Variants in TCEA1 observed in about 807,000 individuals in gnomAD.
The protein encoded by TCEA1 is transcription elongation factor A protein 1.
TCEA1 carries 21 observed loss-of-function variants against 43.8 expected under a neutral mutation model. That is an observed-to-expected ratio of 0.48 (90% confidence interval 0.34 to 0.69). The LOEUF is 0.69. TCEA1 is among the 30% of genes least tolerant of loss of function. The pLI is 0.01. For missense variants in TCEA1, 250 were observed against 365.1 expected (o/e 0.68, Z 2.57); for synonymous variants, 104 against 117.5 (o/e 0.88, Z 0.75).
chr8:53,989,897 G>A (rs375170985), intron 4 of TCEA1, among the ~76,000 whole-genome samples: 3 of 152,040 alleles, frequency 2.0e-5, no homozygotes, highest in African/African-American at 7.2e-5. Context: ...AGCCTCCTGA[G>A]TAACTAGGAC....
At chr8:54,021,999 C>G (rs954403689) in intron 1 of TCEA1, 64 bp downstream of exon 1, 12 of 1,407,108 alleles carry the variant, frequency 8.5e-6, no homozygotes, top group African/African-American at 1.5e-5. Flanking sequence ...AGGGAGGGGG[C>G]GGCCCCCTCG....
intron 3 of TCEA1, among the ~76,000 whole-genome samples, chr8:53,998,982 A>T (rs1271396225): frequency 6.6e-6 from 1 of 152,202 alleles, no homozygotes; most frequent in South Asian, 2.1e-4. Context: ...TAATCCCAGC[A>T]CTTTGGGAGG....
At chr8:53,996,088 ATAT>A (rs1804043221) in intron 3 of TCEA1, among the ~76,000 whole-genome samples, 1 of 152,264 alleles carries the variant, frequency 6.6e-6, no homozygotes, top group African/African-American at 2.4e-5. Flanking sequence ...GGGAAAACTG[ATAT>A]AACAATGAAA....
rs72062714 is a variant in TCEA1 at position 54,012,962 on chromosome 8, CAAAAAAA to C, written c.64-2477_64-2471del. Among the ~76,000 whole-genome samples, 5 of 76,974 alleles carry C rather than the reference CAAAAAAA, an allele frequency of 6.5e-5. No individual in the cohort carries two copies. In the East Asian group the frequency reaches 1.7e-3, roughly 27 times the overall value. The allele number at this position is 76,974 out of a possible 152,430, so 50.5% of individuals were successfully genotyped here. A position where few individuals can be genotyped will look rare whatever the true frequency, so the allele number is the denominator to read the frequency against. ...AATAAAAATTAAAAAACGACGACGA[CAAAAAAA>C]AAAAAAAAAAAAAAAGATTGTGGGC... On this transcript the variant is annotated intron_variant, in intron 1 of 9. Coordinates refer to ENST00000521604, the MANE Select transcript of TCEA1 (RefSeq NM_006756.4).
intron 4 of TCEA1, among the ~76,000 whole-genome samples, chr8:53,991,398 A>C (rs973563472): frequency 1.3e-5 from 2 of 151,376 alleles, no homozygotes; most frequent in East Asian, 1.9e-4. Context: ...GTCTCAAAAA[A>C]AAAAATAAAA....
At chr8:54,006,208 A>G (rs1804451274) in intron 2 of TCEA1, among the ~76,000 whole-genome samples, 1 of 152,198 alleles carries the variant, frequency 6.6e-6, no homozygotes, top group African/African-American at 2.4e-5. Context: ...TTCTTTGGGT[A>G]CCTACATCTT....
chr8:54,012,513 C>T (rs1022516725), intron 1 of TCEA1, among the ~76,000 whole-genome samples: 3 of 152,120 alleles, frequency 2.0e-5, no homozygotes, highest in Admixed American at 6.5e-5. Flanking sequence ...GAGCCGAGAT[C>T]GCGCCACTGC....
intron 4 of TCEA1, among the ~76,000 whole-genome samples, chr8:53,991,373 A>G (rs1215751608): frequency 6.6e-6 from 1 of 151,628 alleles, no homozygotes; most frequent in South Asian, 2.1e-4. Context: ...AGCCTGGGCA[A>G]CAGAGCAAGA....
Position 53,966,621 on chromosome 8 carries a change from ATTATT to A in TCEA1, c.*1478_*1482del, listed in dbSNP as rs1318539557. The A allele has an allele frequency of 5.5e-6, 1 of 182,190 alleles. No individual in the cohort carries two copies. The highest frequency in any genetic ancestry group is 1.2e-5 in the Non-Finnish European group (1 of 85,558). 11.3% of individuals were successfully genotyped at this position (182,190 alleles called of 1,614,324 possible). A position where few individuals can be genotyped will look rare whatever the true frequency, so the allele number is the denominator to read the frequency against. On this transcript the variant is annotated 3_prime_UTR_variant, in exon 10 of 10. Coordinates refer to ENST00000521604, the MANE Select transcript of TCEA1 (RefSeq NM_006756.4). ...TTAAAATGGATCACTTAAAAGTGAG[ATTATT>A]TTATTCTGAAACATTATTTCAAAAA...
chr8:53,969,204 C>A (rs1161375142), intron 9 of TCEA1, among the ~76,000 whole-genome samples: 1 of 152,182 alleles, frequency 6.6e-6, no homozygotes, highest in East Asian at 1.9e-4. Context: ...GCAGGAGAAT[C>A]GCTTGAACCT....
At chr8:54,003,151 T>C (rs1391147752) in intron 2 of TCEA1, 1 of 440,678 alleles carries the variant, frequency 2.3e-6, no homozygotes, top group Non-Finnish European at 4.6e-6. Context: ...ATGTAAAACA[T>C]ACATTTAAAA....
chr8:53,983,382 T>C (rs1803579187), intron 7 of TCEA1, among the ~76,000 whole-genome samples: 1 of 152,244 alleles, frequency 6.6e-6, no homozygotes, highest in Non-Finnish European at 1.5e-5. Flanking sequence ...TCTTCAATGT[T>C]CACTAAAACG....
intron 1 of TCEA1, 90 bp downstream of exon 1, chr8:54,021,973 G>A (rs1439853115): frequency 2.4e-6 from 3 of 1,252,942 alleles, no homozygotes; most frequent in Non-Finnish European, 3.1e-6. Context: ...GCTGCAGGGG[G>A]AGGGGAGGGA....
chr8:53,978,824 T>G (rs1299709819), intron 8 of TCEA1: 6 of 506,206 alleles, frequency 1.2e-5, no homozygotes, highest in Non-Finnish European at 2.1e-5. Context: ...AACTTATCAG[T>G]ACATATGTAT....
intron 8 of TCEA1, among the ~76,000 whole-genome samples, chr8:53,975,706 G>A (rs964860356): frequency 6.6e-6 from 1 of 152,180 alleles, no homozygotes; most frequent in African/African-American, 2.4e-5. Context: ...GAGAGTCAGA[G>A]AGCAGAATGG....
At chr8:54,002,808 C>T in intron 2 of TCEA1, 1 of 439,232 alleles carries the variant, frequency 2.3e-6, no homozygotes, top group African/African-American at 2.0e-5. Flanking sequence ...ACAAACTATA[C>T]ATCGTGAAAC....
At chr8:53,973,308 G>T in intron 8 of TCEA1, 1 of 519,318 alleles carries the variant, frequency 1.9e-6, no homozygotes, top group Non-Finnish European at 3.6e-6. Flanking sequence ...GCAAAGAGAT[G>T]GTCAAGAACA....
intron 8 of TCEA1, chr8:53,973,257 TG>T (rs1361700985): frequency 2.1e-6 from 1 of 479,960 alleles, no homozygotes; most frequent in African/African-American, 2.0e-5. Flanking sequence ...GAAAATGATA[TG>T]GAAATGGAAA....
At chr8:54,000,669 G>A (rs1380855011) in intron 2 of TCEA1, among the ~76,000 whole-genome samples, 2 of 151,836 alleles carry the variant, frequency 1.3e-5, no homozygotes, top group African/African-American at 4.8e-5. Context: ...TCAAAGTTGA[G>A]ATCATCCCTA....
Sources: allele counts gnomAD v4.1 joint callset (sites outside exome capture counted in the v4.1 genomes callset), GRCh38; gene constraint gnomAD v4.1.1; transcripts MANE v1.5; gene names NCBI Gene and HGNC (gene_info 2026-07-23, HGNC 2026-07-21).